The following PALS2 variants were observed in gnomAD, a reference collection of about 807,000 sequenced individuals.
PALS2 encodes the protein protein PALS2.
Under a neutral mutation model 61.6 loss-of-function variants are expected in PALS2, and 27 were observed. The observed-to-expected ratio is 0.44, with a 90% confidence interval of 0.32 to 0.60. PALS2 has a LOEUF of 0.60. PALS2 is among the 20% of genes least tolerant of loss of function. The pLI, the probability that PALS2 is intolerant of heterozygous loss-of-function variation, is 0.05. For missense variants in PALS2, 554 were observed against 639.4 expected (o/e 0.87, Z 1.44); for synonymous variants, 236 against 218.6 (o/e 1.08, Z -0.70).
chr7:24,615,740 A>T (rs984779952), intron 1 of PALS2, among the ~76,000 whole-genome samples: 1 of 152,068 alleles, frequency 6.6e-6, no homozygotes, highest in African/African-American at 2.4e-5. Context: ...TACCAAAACC[A>T]GACAAGGACA....
chr7:24,595,516 AAT>A (rs55695938), intron 1 of PALS2, among the ~76,000 whole-genome samples: 16,236 of 114,782 alleles, frequency 0.14, 1,336 homozygotes, highest in East Asian at 0.53. Context: ...TATAATATAT[AAT>A]ATATATAATA....
In PALS2 at chr7:24,694,132, T is replaced by C. The variant is rs1200939943; in HGVS notation, c.*6518T>C. 1 of 152,208 alleles carries C rather than the reference T, an allele frequency of 6.6e-6. No individual in the cohort carries two copies. The highest frequency in any genetic ancestry group is 1.5e-5 in the Non-Finnish European group (1 of 68,020). The allele number at this position is 152,208 out of a possible 1,614,324, so 9.4% of individuals were successfully genotyped here. A position where few individuals can be genotyped will look rare whatever the true frequency, so the allele number is the denominator to read the frequency against. ...TACTGCTTTCCAGGTAATTGTATTA[T>C]TAGTTTCTGTATAAAAGAAACATTA... On this transcript the variant is annotated 3_prime_UTR_variant, in exon 12 of 12. Transcript: ENST00000222644.
At chr7:24,656,708 T>C (rs2128082477) in intron 5 of PALS2, among the ~76,000 whole-genome samples, 1 of 152,194 alleles carries the variant, frequency 6.6e-6, no homozygotes, top group South Asian at 2.1e-4. Flanking sequence ...TTTTTTCTTT[T>C]TTTTTGTAGA....
At chr7:24,669,836 CT>C (rs2128089938) in intron 9 of PALS2, among the ~76,000 whole-genome samples, 1 of 152,306 alleles carries the variant, frequency 6.6e-6, no homozygotes, top group East Asian at 1.9e-4. Flanking sequence ...ACAAATCCTA[CT>C]AAAGTGGTTA....
At chr7:24,669,306 T>A (rs951417376) in intron 9 of PALS2, among the ~76,000 whole-genome samples, 2 of 152,230 alleles carry the variant, frequency 1.3e-5, no homozygotes, top group African/African-American at 4.8e-5. Context: ...AGTTAAATAA[T>A]CATGTCAGAA....
At chr7:24,653,749 A>G (rs1786278325) in intron 5 of PALS2, among the ~76,000 whole-genome samples, 1 of 152,238 alleles carries the variant, frequency 6.6e-6, no homozygotes, top group South Asian at 2.1e-4. Flanking sequence ...CTAAAGAGGT[A>G]TGTCTGCAAA....
At position 24,618,139 on chromosome 7, in the gene PALS2, G is replaced by T. The variant is rs1784360145; in HGVS notation, c.-2-5527G>T. On this transcript the variant is annotated intron_variant, in intron 1 of 11. Coordinates refer to ENST00000222644, the MANE Select transcript of PALS2 (RefSeq NM_001303037.2). The surrounding 1 kb of genome is among the most constrained non-coding windows in gnomAD (Gnocchi z 5.1). ...GGCTGTTTTTCAGGCTCAGGACATG[G>T]GTGTGCAACTACCCGGCCACCATGG... Among the ~76,000 whole-genome samples, 1 of 152,278 alleles carries T rather than the reference G, an allele frequency of 6.6e-6. No homozygotes were observed. The highest frequency in any genetic ancestry group is 1.5e-5 in the Non-Finnish European group (1 of 68,030).
At chr7:24,582,883 C>CTTTTTTTTTTTTTT (rs757869072) in intron 1 of PALS2, among the ~76,000 whole-genome samples, 1 of 57,468 alleles carries the variant, frequency 1.7e-5, no homozygotes, top group African/African-American at 7.0e-5. Context: ...GATAGTCATG[C>CTTTTTTTTTTTTTT]TTTTTTTTTT....
intron 1 of PALS2, among the ~76,000 whole-genome samples, chr7:24,603,640 G>A (rs1783793414): frequency 6.6e-6 from 1 of 152,184 alleles, no homozygotes; most frequent in Admixed American, 6.6e-5. Context: ...AGCCGTTGCT[G>A]ATTTGTCCAC....
chr7:24,577,073 GAACTT>G (rs1317070902), intron 1 of PALS2, among the ~76,000 whole-genome samples: 1 of 152,072 alleles, frequency 6.6e-6, no homozygotes, highest in African/African-American at 2.4e-5. Context: ...AGTTTAGAAA[GAACTT>G]AAGTTTTATG....
At chr7:24,661,045 T>G (rs1433906622) in intron 5 of PALS2, among the ~76,000 whole-genome samples, 1 of 152,210 alleles carries the variant, frequency 6.6e-6, no homozygotes, top group East Asian at 1.9e-4. Context: ...TCAGTTCTTT[T>G]TAGTAATAAG....
At chr7:24,658,391 CA>C (rs887314616) in intron 5 of PALS2, among the ~76,000 whole-genome samples, 27 of 152,258 alleles carry the variant, frequency 1.8e-4, no homozygotes, top group African/African-American at 5.1e-4. Context: ...CTAATTCTAG[CA>C]CATTTGACAT....
intron 9 of PALS2, among the ~76,000 whole-genome samples, chr7:24,671,142 C>G (rs1787274936): frequency 1.3e-5 from 2 of 152,144 alleles, no homozygotes; most frequent in African/African-American, 4.8e-5. Flanking sequence ...CTTCACAATC[C>G]CAGCAGCATA....
chr7:24,690,430 A>C lies in PALS2; in HGVS notation c.*2816A>C, dbSNP rs1310103319. The C allele has an allele frequency of 1.3e-5, 2 of 152,226 alleles. No homozygotes were observed. Among genetic ancestry groups the C allele is most frequent in the Non-Finnish European group, 2.9e-5 (2 of 68,042 alleles). The allele number at this position is 152,226 out of a possible 1,614,324, so 9.4% of individuals were successfully genotyped here. On this transcript the variant is annotated 3_prime_UTR_variant, in exon 12 of 12. Coordinates refer to ENST00000222644, the MANE Select transcript of PALS2 (RefSeq NM_001303037.2). ...TTGTTAAGAGTTGAAATAGACACACACATGCATGTGCTTTTGGGAAACATG... is the reference window on the plus strand; with the variant it reads ...TTGTTAAGAGTTGAAATAGACACACCCATGCATGTGCTTTTGGGAAACATG...
At chr7:24,622,723 T>TA (rs1784572445) in intron 1 of PALS2, among the ~76,000 whole-genome samples, 1 of 150,432 alleles carries the variant, frequency 6.6e-6, no homozygotes, top group South Asian at 2.1e-4. Flanking sequence ...CTAGAACCTC[T>TA]AATCCAAAGT....
intron 2 of PALS2, among the ~76,000 whole-genome samples, chr7:24,625,182 T>C (rs1663319357): frequency 1.3e-5 from 2 of 152,170 alleles, no homozygotes; most frequent in Admixed American, 1.3e-4. Flanking sequence ...CTATTTAAAT[T>C]TCTGTTAAAT....
intron 1 of PALS2, among the ~76,000 whole-genome samples, chr7:24,616,177 A>G (rs954602724): frequency 2.6e-5 from 4 of 152,176 alleles, no homozygotes; most frequent in African/African-American, 9.6e-5. Context: ...TATTCAGCAC[A>G]GTACTGGAAA....
rs1004413439 is a variant in PALS2, at chr7:24,680,411, C to T, written c.1337C>T (p.Thr446Ile). The T allele has an allele frequency of 6.2e-6, 10 of 1,612,898 alleles. No homozygotes were observed. Among genetic ancestry groups the T allele is most frequent in the African/African-American group, 1.3e-5 (1 of 75,008 alleles). ...ACACAGGCACTGAAAGTATTGAGGA[C>T]ATCAGAGTTTATGCCCTATGTGGTA... ...VNPQALKVLR[T>I]SEFMPYVVFI... The change falls in exon 11 of 12, where the codon ACA (threonine) becomes ATA (isoleucine). Residue 446 changes from threonine (T) to isoleucine (I), a missense_variant. Transcript: ENST00000222644.
chr7:24,637,256 C>T (rs1785280955), intron 2 of PALS2, among the ~76,000 whole-genome samples: 1 of 147,758 alleles, frequency 6.8e-6, no homozygotes, highest in Non-Finnish European at 1.5e-5. Context: ...GTTCTTTACT[C>T]ACTAGAGAAT....
Sources: allele counts gnomAD v4.1 joint callset (sites outside exome capture counted in the v4.1 genomes callset), GRCh38; gene constraint gnomAD v4.1.1; non-coding constraint Gnocchi (gnomAD v3.1); transcripts MANE v1.5; gene names NCBI Gene and HGNC (gene_info 2026-07-23, HGNC 2026-07-21).